The following SHISA9 variants were observed in gnomAD, a reference collection of about 807,000 sequenced individuals.
The protein encoded by SHISA9 is protein shisa-9.
In SHISA9, 13 loss-of-function variants were observed where a neutral mutation model predicts 38.0. The ratio of observed to expected loss-of-function variants is 0.34; its 90% CI spans 0.22 to 0.54. SHISA9 has a LOEUF of 0.54. SHISA9 is among the 20% of genes least tolerant of loss of function. The pLI is 0.91. For missense variants in SHISA9, 538 were observed against 575.8 expected, an observed-to-expected ratio of 0.93 and a Z score of 0.67; for synonymous variants, 275 against 242.0, an observed-to-expected ratio of 1.14 and a Z score of -1.27.
chr16:12,923,637 A>G (rs2071356806), intron 2 of SHISA9, among the ~76,000 whole-genome samples: 1 of 152,098 alleles, frequency 6.6e-6, no homozygotes, highest in Non-Finnish European at 1.5e-5. Flanking sequence ...ATTCTATTCC[A>G]TGTTTGTGCC....
the SHISA9 span, among the ~76,000 whole-genome samples, chr16:13,255,126 A>G: frequency 6.6e-6 from 1 of 151,824 alleles, no homozygotes; most frequent in Non-Finnish European, 1.5e-5. Context: ...CTAACCTCTC[A>G]CTGCTTTCTC....
chr16:13,322,317 G>A, the SHISA9 span, among the ~76,000 whole-genome samples: 2 of 152,208 alleles, frequency 1.3e-5, no homozygotes, highest in African/African-American at 4.8e-5. Flanking sequence ...CCCTAAAGCT[G>A]CCAAGGCCTC....
At chr16:13,015,904 T>TTCTTTCTTTCTTTCTC (rs1416111724) in intron 2 of SHISA9, among the ~76,000 whole-genome samples, 154 of 120,274 alleles carry the variant, frequency 1.3e-3, no homozygotes, top group Middle Eastern at 4.3e-3. Context: ...CTTTCTTTCT[T>TTCTTTCTTTCTTTCTC]TCTTTTCTTT....
chr16:13,495,765 A>G, the SHISA9 span, among the ~76,000 whole-genome samples: 2 of 152,190 alleles, frequency 1.3e-5, no homozygotes, highest in Non-Finnish European at 2.9e-5. Flanking sequence ...ATATGAAAAC[A>G]TGGCAAGGAA....
chr16:13,503,056 T>C, the SHISA9 span, among the ~76,000 whole-genome samples: 1 of 152,144 alleles, frequency 6.6e-6, no homozygotes, highest in East Asian at 1.9e-4. Context: ...ACATGGCAGT[T>C]CTCAAAGGGA....
intron 2 of SHISA9, among the ~76,000 whole-genome samples, chr16:13,113,206 T>G (rs1377226325): frequency 1.2e-5 from 1 of 84,068 alleles, no homozygotes; most frequent in Non-Finnish European, 2.1e-5. Context: ...TGAGACTCCA[T>G]CTCAAAAAAA....
the SHISA9 span, among the ~76,000 whole-genome samples, chr16:13,469,326 G>GA: frequency 1.5e-4 from 14 of 95,846 alleles, no homozygotes; most frequent in Admixed American, 1.7e-3. Flanking sequence ...GAGAGAGAAA[G>GA]AAAGAAAGAA....
chr16:13,079,247 C>T (rs1322407165), intron 2 of SHISA9, among the ~76,000 whole-genome samples: 2 of 152,214 alleles, frequency 1.3e-5, no homozygotes, highest in Non-Finnish European at 2.9e-5. Context: ...GCTTTGCCCA[C>T]TTGGAATTAC....
At chr16:13,220,456 GA>G (rs1596743567) in intron 4 of SHISA9, among the ~76,000 whole-genome samples, 2 of 152,122 alleles carry the variant, frequency 1.3e-5, no homozygotes, top group East Asian at 3.9e-4. Flanking sequence ...GAAAGTCAAA[GA>G]ATTGATTCAT....
the SHISA9 span, among the ~76,000 whole-genome samples, chr16:13,531,987 G>A: frequency 4.6e-5 from 7 of 152,186 alleles, no homozygotes; most frequent in East Asian, 1.2e-3. Flanking sequence ...GAGATTGAAT[G>A]CCAACCAAAT....
chr16:13,520,354 C>T, the SHISA9 span, among the ~76,000 whole-genome samples: 1 of 152,008 alleles, frequency 6.6e-6, no homozygotes, highest in African/African-American at 2.4e-5. Flanking sequence ...AATCCCAGCA[C>T]TTTGGGAGGC....
chr16:13,163,418 C>CA, intron 2 of SHISA9, among the ~76,000 whole-genome samples: 1 of 152,176 alleles, frequency 6.6e-6, no homozygotes, highest in African/African-American at 2.4e-5. Flanking sequence ...ATCATTTCTA[C>CA]AAAAAAGTGT....
chr16:13,027,506 C>G (rs916884633), intron 2 of SHISA9, among the ~76,000 whole-genome samples: 2 of 152,244 alleles, frequency 1.3e-5, no homozygotes, highest in African/African-American at 4.8e-5. Flanking sequence ...TTCATAGAAG[C>G]TCTATTCATA....
chr16:12,956,025 A>G (rs866900120), intron 2 of SHISA9, among the ~76,000 whole-genome samples: 5 of 152,248 alleles, frequency 3.3e-5, no homozygotes, highest in African/African-American at 1.2e-4. Flanking sequence ...AAAGAGTAAT[A>G]TCAAGAATCT....
chr16:12,971,620 T>C (rs2072083984), intron 2 of SHISA9, among the ~76,000 whole-genome samples: 1 of 152,162 alleles, frequency 6.6e-6, no homozygotes. Flanking sequence ...CCCCATGCTG[T>C]TGTGTGGATC....
At chr16:13,184,073 C>G (rs2050799298) in intron 2 of SHISA9, among the ~76,000 whole-genome samples, 3 of 151,970 alleles carry the variant, frequency 2.0e-5, no homozygotes, top group Non-Finnish European at 4.4e-5. Context: ...TCCTAAGCAC[C>G]CTCCTCTACC....
At chr16:13,326,557 C>A in the SHISA9 span, among the ~76,000 whole-genome samples, 3 of 152,158 alleles carry the variant, frequency 2.0e-5, no homozygotes, top group South Asian at 6.2e-4. Context: ...CTCATCTCTA[C>A]TAAACCTACA....
chr16:13,343,305 G>T, the SHISA9 span, among the ~76,000 whole-genome samples: 19 of 152,066 alleles, frequency 1.2e-4, no homozygotes, highest in Non-Finnish European at 1.9e-4. Flanking sequence ...TCTTCCCAAG[G>T]TTGATTCCTT....
chr16:13,352,886 G>A, the SHISA9 span, among the ~76,000 whole-genome samples: 1 of 151,908 alleles, frequency 6.6e-6, no homozygotes, highest in Non-Finnish European at 1.5e-5. Context: ...GCAAGGACCG[G>A]CCATTTACAC....
Sources: allele counts gnomAD v4.1 joint callset (sites outside exome capture counted in the v4.1 genomes callset), GRCh38; gene constraint gnomAD v4.1.1; transcripts MANE v1.5; gene names NCBI Gene and HGNC (gene_info 2026-07-23, HGNC 2026-07-21).